The following HOXC10 variants were observed in gnomAD, a reference collection of about 807,000 sequenced individuals.
HOXC10 encodes homeobox C10.
In HOXC10, 15 loss-of-function variants were observed where a neutral mutation model predicts 26.0. The ratio of observed to expected loss-of-function variants is 0.58; its 90% CI spans 0.39 to 0.89. The LOEUF is 0.89. Ranked by LOEUF, HOXC10 falls within the 40% of genes least tolerant of loss-of-function variation. HOXC10 has a pLI of 0.00. For synonymous variants in HOXC10, 196 were observed against 185.5 expected, an observed-to-expected ratio of 1.06 and a Z score of -0.46; for missense variants, 446 against 451.9, an observed-to-expected ratio of 0.99 and a Z score of 0.12.
At chr12:53,988,282 G>A (rs1337179029) in intron 1 of HOXC10, among the ~76,000 whole-genome samples, 3 of 152,178 alleles carry the variant, frequency 2.0e-5, no homozygotes, top group Admixed American at 2.0e-4. Context: ...TACAAAAAAA[G>A]ACTCATGTAC....
At chr12:53,989,074 C>T (rs897650373) in intron 1 of HOXC10, 95 bp from the exon 2 acceptor site, 24 of 1,179,630 alleles carry the variant, frequency 2.0e-5, no homozygotes, top group Non-Finnish European at 2.7e-5. Flanking sequence ...CCCTGTGCTC[C>T]CTCAGCCACC....
chr12:53,986,785 G>A (rs1179848746), intron 1 of HOXC10: 1 of 152,188 alleles, frequency 6.6e-6, no homozygotes, highest in Admixed American at 6.5e-5. Flanking sequence ...ACAAATGAGT[G>A]GTTGGGAAAT....
At chr12:53,989,108 C>A in intron 1 of HOXC10, 61 bp from the exon 2 acceptor site, 1 of 1,479,924 alleles carries the variant, frequency 6.8e-7, no homozygotes, top group Non-Finnish European at 9.1e-7. Context: ...GCAAAGGCTG[C>A]AGCGCTGAGA....
chr12:53,989,582 C>G lies in HOXC10; in HGVS notation c.*136C>G. 2.4e-6 allele frequency: 2 copies of G among 844,312 alleles called. No homozygotes were observed. Among genetic ancestry groups the G allele is most frequent in the Non-Finnish European group, 3.6e-6 (2 of 549,258 alleles). The allele number at this position is 844,312 out of a possible 1,614,324, so 52.3% of individuals were successfully genotyped here. Reference sequence around the variant, plus strand: ...GCAAAAAAGGCAAAGACCTCAGACTCTCCTTCCAAGGGACCTGTGGTTCGT... The same window carrying G: ...GCAAAAAAGGCAAAGACCTCAGACTGTCCTTCCAAGGGACCTGTGGTTCGT... On this transcript the variant is annotated 3_prime_UTR_variant, in exon 2 of 2. Coordinates refer to ENST00000303460, the MANE Select transcript of HOXC10 (RefSeq NM_017409.4).
At position 53,985,837 on chromosome 12, in the gene HOXC10, G is replaced by A. The variant is rs1157785177; in HGVS notation, c.578G>A (p.Gly193Glu). The A allele has an allele frequency of 6.2e-7, 1 of 1,613,842 alleles. No individual in the cohort carries two copies. Among genetic ancestry groups the A allele is most frequent in the East Asian group, 2.2e-5 (1 of 44,872 alleles). The change falls in exon 1 of 2, where the codon GGG (glycine) becomes GAG (glutamate). Residue 193 changes from glycine to glutamate, a missense_variant. By Grantham distance (98) the Gly-to-Glu change is moderately conservative. Transcript: ENST00000303460. Reference protein sequence around the residue: ...RAEHLESPQLGGKVSFPETPK... With the variant: ...RAEHLESPQLEGKVSFPETPK... ...GAACATCTGGAATCGCCTCAGCTGG[G>A]GGGCAAAGTGAGTTTCCCTGAGACC...
chr12:53,988,656 AC>A (rs530670187), intron 1 of HOXC10, among the ~76,000 whole-genome samples: 12 of 152,332 alleles, frequency 7.9e-5, no homozygotes, highest in Middle Eastern at 3.4e-3. Context: ...CAGGACAGGG[AC>A]CACTGCAGTG....
At chr12:53,989,129 C>T in intron 1 of HOXC10, 40 bp from the exon 2 acceptor site, 1 of 1,554,742 alleles carries the variant, frequency 6.4e-7, no homozygotes, top group Non-Finnish European at 8.7e-7. Flanking sequence ...GGGTTTTCGA[C>T]TTCGAGGGAT....
At position 53,985,210 on chromosome 12, in the gene HOXC10, G is replaced by A. The variant is rs758609801; in HGVS notation, c.-50G>A. ...CTCCCGGATGGGGAAAAAAAAAGATGTCAGCTCCTCCGCTGTAGTATTGCT... is the reference window on the plus strand; with the variant it reads ...CTCCCGGATGGGGAAAAAAAAAGATATCAGCTCCTCCGCTGTAGTATTGCT... On this transcript the variant is annotated 5_prime_UTR_variant, in exon 1 of 2. The change abolishes an upstream ATG in the 5' untranslated region. Coordinates refer to ENST00000303460, the MANE Select transcript of HOXC10 (RefSeq NM_017409.4). 8.4e-6 allele frequency: 11 copies of A among 1,308,022 alleles called. No individual in the cohort carries two copies. The allele number at this position is 1,308,022 out of a possible 1,614,324, so 81.0% of individuals were successfully genotyped here.
Position 53,985,174 on chromosome 12 carries a change from C to A in HOXC10, c.-86C>A. 2 of 1,029,820 alleles carry A rather than the reference C, an allele frequency of 1.9e-6. No individual in the cohort carries two copies. The highest frequency in any genetic ancestry group is 2.3e-5 in the South Asian group (1 of 43,180). 63.8% of individuals were successfully genotyped at this position (1,029,820 alleles called of 1,614,324 possible). Reference sequence around the variant, plus strand: ...CTTCTTTTTCCTCCCTCCCCTCCAACCGCGCCCCCCCTCCCGGATGGGGAA... The same window carrying A: ...CTTCTTTTTCCTCCCTCCCCTCCAAACGCGCCCCCCCTCCCGGATGGGGAA... On this transcript the variant is annotated 5_prime_UTR_variant, in exon 1 of 2. Coordinates refer to ENST00000303460, the MANE Select transcript of HOXC10 (RefSeq NM_017409.4).
In HOXC10 at chr12:53,985,921, C is replaced by T. The variant is rs1381948513; in HGVS notation, c.662C>T (p.Ala221Val). Residue 221 changes from alanine to valine, a missense_variant, in exon 1 of 2, where the codon GCG (alanine) becomes GTG (valine). Physicochemically the swap from Ala to Val is moderately conservative, Grantham distance 64. Transcript: ENST00000303460. ...PNEIKTEQSL[A>V]GPKGSPSESE... ...GAAATCAAGACGGAGCAGAGCCTGG[C>T]GGGCCCTAAAGGGAGCCCCTCGGAG... The T allele has an allele frequency of 1.2e-6, 2 of 1,613,618 alleles. No homozygotes were observed. Among genetic ancestry groups the T allele is most frequent in the Non-Finnish European group, 1.7e-6 (2 of 1,179,948 alleles).
At chr12:53,988,101 G>A (rs1210841456) in intron 1 of HOXC10, among the ~76,000 whole-genome samples, 1 of 152,138 alleles carries the variant, frequency 6.6e-6, no homozygotes, top group African/African-American at 2.4e-5. Context: ...AGAGTCCTTT[G>A]CTGGGTGTCC....
rs984022846 is a variant in HOXC10 at position 53,989,735 on chromosome 12, C to T, written c.*289C>T. Reference sequence around the variant, plus strand: ...TGTCAAGCCCTCACTCACCCACGCACTCACACACAGCATTCTGTTCTCCAT... The same window carrying T: ...TGTCAAGCCCTCACTCACCCACGCATTCACACACAGCATTCTGTTCTCCAT... On this transcript the variant is annotated 3_prime_UTR_variant, in exon 2 of 2. Transcript: ENST00000303460. The T allele has an allele frequency of 4.7e-6, 2 of 422,196 alleles. No individual in the cohort carries two copies. The highest frequency in any genetic ancestry group is 8.4e-6 in the Non-Finnish European group (2 of 237,988). 26.2% of individuals were successfully genotyped at this position (422,196 alleles called of 1,614,324 possible). A position where few individuals can be genotyped will look rare whatever the true frequency, so the allele number is the denominator to read the frequency against.
In HOXC10 at chr12:53,985,421, C is replaced by T. The variant is rs138287881; in HGVS notation, c.162C>T (p.Ser54=). ...MRGCGLAPSL[S]KRDEGSSPSL... ...GCTGCGGGCTCGCGCCCTCGCTCTC[C>T]AAGAGGGACGAGGGCAGCAGCCCCA... The change falls in exon 1 of 2, where the codon TCC becomes TCT. Residue 54 remains serine, a synonymous_variant. Transcript: ENST00000303460. The T allele has an allele frequency of 1.1e-5, 17 of 1,612,726 alleles. No homozygotes were observed. The highest frequency in any genetic ancestry group is 1.4e-5 in the Non-Finnish European group (16 of 1,179,842).
In HOXC10 at chr12:53,989,243, A is replaced by G. The variant is rs1473829882; in HGVS notation, c.826A>G (p.Thr276Ala). 11 of 1,614,128 alleles carry G rather than the reference A, an allele frequency of 6.8e-6. No individual in the cohort carries two copies. The highest frequency in any genetic ancestry group is 4.0e-5 in the African/African-American group (3 of 75,058). Residue 276 changes from threonine to alanine, a missense_variant, in exon 2 of 2, where the codon ACT becomes GCT. Coordinates refer to ENST00000303460, the MANE Select transcript of HOXC10 (RefSeq NM_017409.4). The stretch of plus-strand genomic sequence containing the variant: ...CGGAAGGAAGAAGAGGTGCCCCTAT[A>G]CTAAACACCAGACGCTGGAATTGGA... ...KSGRKKRCPYTKHQTLELEKE... is the reference protein window; with the variant it reads ...KSGRKKRCPYAKHQTLELEKE...
chr12:53,988,586 G>A (rs527860662), intron 1 of HOXC10, among the ~76,000 whole-genome samples: 1 of 152,352 alleles, frequency 6.6e-6, no homozygotes, highest in East Asian at 1.9e-4. Context: ...ATGGCAATGG[G>A]AGACCTAAGG....
Position 53,989,261 on chromosome 12 carries a change from G to A in HOXC10, c.844G>A (p.Glu282Lys), listed in dbSNP as rs372806113. 2 of 1,614,062 alleles carry A rather than the reference G, an allele frequency of 1.2e-6. No individual in the cohort carries two copies. Among genetic ancestry groups the A allele is most frequent in the African/African-American group, 1.3e-5 (1 of 74,944 alleles). The change falls in exon 2 of 2, where the codon GAA (glutamate) becomes AAA (lysine). Residue 282 changes from glutamate (E) to lysine (K), a missense_variant. By Grantham distance (56) the Glu-to-Lys change is moderately conservative (BLOSUM62 1). Coordinates refer to ENST00000303460, the MANE Select transcript of HOXC10 (RefSeq NM_017409.4). The stretch of plus-strand genomic sequence containing the variant: ...CCCCTATACTAAACACCAGACGCTG[G>A]AATTGGAGAAAGAATTTCTGTTCAA... ...RCPYTKHQTL[E>K]LEKEFLFNMY...
Position 53,989,383 on chromosome 12 carries a change from A to G in HOXC10, c.966A>G (p.Lys322=). The G allele has an allele frequency of 3.1e-6, 5 of 1,613,940 alleles. No individual in the cohort carries two copies. Among genetic ancestry groups the G allele is most frequent in the Non-Finnish European group, 4.2e-6 (5 of 1,179,968 alleles). Residue 322 remains lysine, a synonymous_variant, in exon 2 of 2, where the codon AAA becomes AAG. Coordinates refer to ENST00000303460, the MANE Select transcript of HOXC10 (RefSeq NM_017409.4). Reference sequence around the variant, plus strand: ...TCTGGTTTCAAAATCGCAGAATGAAACTCAAGAAAATGAACCGAGAGAATC... The same window carrying G: ...TCTGGTTTCAAAATCGCAGAATGAAGCTCAAGAAAATGAACCGAGAGAATC... ...VKIWFQNRRM[K]LKKMNRENRI... is the part of the protein sequence containing the mutation.
Position 53,990,217 on chromosome 12 carries a change from G to A in HOXC10, c.*771G>A, listed in dbSNP as rs1355619695. 1 of 148,128 alleles carries A rather than the reference G, an allele frequency of 6.8e-6. No individual in the cohort carries two copies. Among genetic ancestry groups the A allele is most frequent in the Non-Finnish European group, 1.5e-5 (1 of 67,756 alleles). 9.2% of individuals were successfully genotyped at this position (148,128 alleles called of 1,614,324 possible). On this transcript the variant is annotated 3_prime_UTR_variant, in exon 2 of 2. Transcript: ENST00000303460. ...AGATATTCTGTATGTTGTATCTTTTGCATGTAGCTTCCTTAATGGAGAAAA... is the reference window on the plus strand; with the variant it reads ...AGATATTCTGTATGTTGTATCTTTTACATGTAGCTTCCTTAATGGAGAAAA...
At chr12:53,989,004 T>C (rs899753668) in intron 1 of HOXC10, among the ~76,000 whole-genome samples, 165 bp from the exon 2 acceptor site, 1 of 152,108 alleles carries the variant, frequency 6.6e-6, no homozygotes, top group African/African-American at 2.4e-5. Flanking sequence ...CCCAAAGAAA[T>C]TGTAAGAACC....
Sources: allele counts gnomAD v4.1 joint callset (sites outside exome capture counted in the v4.1 genomes callset), GRCh38; gene constraint gnomAD v4.1.1; transcripts MANE v1.5; gene names NCBI Gene and HGNC (gene_info 2026-07-23, HGNC 2026-07-21).